The following ITPK1 variants were observed in gnomAD, a reference collection of about 807,000 sequenced individuals.
ITPK1 encodes the protein inositol 1,3,4-trisphosphate 5/6-kinase.
Under a neutral mutation model 45.3 loss-of-function variants are expected in ITPK1, and 21 were observed. The observed-to-expected ratio is 0.46, with a 90% CI of 0.33 to 0.67. The LOEUF is 0.67. Among genes scored for constraint, ITPK1 ranks in the 30% least tolerant of loss-of-function variants. The pLI is 0.02. For missense variants in ITPK1, 474 were observed against 573.5 expected, an observed-to-expected ratio of 0.83 and a Z score of 1.77; for synonymous variants, 258 against 253.6, an observed-to-expected ratio of 1.02 and a Z score of -0.16.
At position 92,941,863 on chromosome 14, in the gene ITPK1, G is replaced by C; in HGVS notation, c.943C>G (p.His315Asp). 1 of 1,612,686 alleles carries C rather than the reference G, an allele frequency of 6.2e-7. No individual in the cohort carries two copies. Among genetic ancestry groups the C allele is most frequent in the Non-Finnish European group, 8.5e-7 (1 of 1,179,952 alleles). The part of the protein sequence containing the change: ...VSEFFTDLLN[H>D]IATVLQGQST... ...TGGCCCTGCAGGACAGTGGCGATGT[G>C]GTTCAGGAGGTCTGTGAAGAACTCG... The change falls in exon 11 of 11, where the codon CAC (histidine) becomes GAC (aspartate). Residue 315 changes from histidine to aspartate, a missense_variant. By Grantham distance (81) the His-to-Asp change is moderately conservative (BLOSUM62 -1). This residue lies in a region of ITPK1 where 367 missense variants were observed against 480.6 expected (regional missense o/e 0.76). Coordinates refer to ENST00000267615, the MANE Select transcript of ITPK1 (RefSeq NM_014216.6).
chr14:92,985,081 G>T (rs1374719133), intron 5 of ITPK1, among the ~76,000 whole-genome samples: 1 of 152,132 alleles, frequency 6.6e-6, no homozygotes. Flanking sequence ...CTGCTGGGTG[G>T]TGTTCCTGCT....
At chr14:92,979,708 G>A (rs2139779184) in intron 5 of ITPK1, among the ~76,000 whole-genome samples, 1 of 152,144 alleles carries the variant, frequency 6.6e-6, no homozygotes, top group South Asian at 2.1e-4. Flanking sequence ...TAAGTTTCCT[G>A]AGGCCTCCCT....
chr14:93,073,566 G>A (rs1471983140), intron 3 of ITPK1, among the ~76,000 whole-genome samples: 2 of 152,194 alleles, frequency 1.3e-5, no homozygotes, highest in African/African-American at 4.8e-5. Flanking sequence ...ATGACCAACC[G>A]ACCTCCGGTC....
intron 4 of ITPK1, among the ~76,000 whole-genome samples, chr14:92,999,159 G>A (rs1362533616): frequency 2.0e-5 from 3 of 152,238 alleles, no homozygotes; most frequent in South Asian, 2.1e-4. Context: ...GAGCCTGTGC[G>A]TGACCCGCCT....
At chr14:92,952,114 A>C in intron 8 of ITPK1, 101 bp from the exon 9 acceptor site, 2 of 928,806 alleles carry the variant, frequency 2.2e-6, no homozygotes, top group Non-Finnish European at 3.4e-6. Context: ...GGCACACAAC[A>C]CGTGGCCCCC....
chr14:93,101,377 A>G (rs1362585796), intron 2 of ITPK1, among the ~76,000 whole-genome samples: 1 of 152,230 alleles, frequency 6.6e-6, no homozygotes, highest in Non-Finnish European at 1.5e-5. Context: ...ACCACCTGAC[A>G]CAGGTGAGTA....
At chr14:93,093,565 T>C (rs747833841) in intron 2 of ITPK1, among the ~76,000 whole-genome samples, 3 of 152,166 alleles carry the variant, frequency 2.0e-5, no homozygotes, top group East Asian at 1.9e-4. Flanking sequence ...AACATGAATG[T>C]GCCGTGTGTA....
rs150435643 is a variant in ITPK1 at position 92,941,109 on chromosome 14, T to A, written c.*452A>T. 2,151 of 1,199,498 alleles carry A rather than the reference T, an allele frequency of 1.8e-3. 31 individuals are homozygous for A. In the African/African-American group the frequency reaches 0.031, roughly 17 times the overall value. 74.3% of individuals were successfully genotyped at this position (1,199,498 alleles called of 1,614,324 possible). On this transcript the variant is annotated 3_prime_UTR_variant, in exon 11 of 11. Coordinates refer to ENST00000267615, the MANE Select transcript of ITPK1 (RefSeq NM_014216.6). ...AAGGGGCAGGTCAGGGAGTGGGGAGTCAGGCAGAAGGGAAGCCACTCTCAC... is the reference window on the plus strand; with the variant it reads ...AAGGGGCAGGTCAGGGAGTGGGGAGACAGGCAGAAGGGAAGCCACTCTCAC...
At chr14:92,942,121 C>T (rs1887460273) in intron 10 of ITPK1, among the ~76,000 whole-genome samples, 1 of 152,198 alleles carries the variant, frequency 6.6e-6, no homozygotes, top group Non-Finnish European at 1.5e-5. Context: ...CCTCGACCTT[C>T]AGCTGTTGCC....
At position 93,040,246 on chromosome 14, in the gene ITPK1, T is replaced by A. The variant is rs542226985; in HGVS notation, c.121-23445A>T. 3.3e-5 allele frequency among the ~76,000 whole-genome samples: 5 copies of A among 152,324 alleles called. No homozygotes were observed. The South Asian group carries it at 1.0e-3, about 32-fold the overall frequency. ...AAACTGAGGACTCAGAGGGTCTGTG[T>A]CAGGGTGGACAATGGGGAGCCTGGG... On this transcript the variant is annotated intron_variant, in intron 3 of 10. Coordinates refer to ENST00000267615, the MANE Select transcript of ITPK1 (RefSeq NM_014216.6).
rs1887998968 is a variant in ITPK1, at chr14:93,013,127, G to A, written c.246+3549C>T. Among the ~76,000 whole-genome samples the A allele has an allele frequency of 2.0e-5, 3 of 152,328 alleles. No individual in the cohort carries two copies. In the South Asian group the frequency reaches 6.2e-4, roughly 32 times the overall value. On this transcript the variant is annotated intron_variant, in intron 4 of 10. Coordinates refer to ENST00000267615, the MANE Select transcript of ITPK1 (RefSeq NM_014216.6). ...TTGCCCACGTGGGCAGGCCCTGGGG[G>A]CCCCTGCCTGGTTCTGCACACTGAG...
At chr14:92,971,051 G>A (rs1019958694) in intron 5 of ITPK1, among the ~76,000 whole-genome samples, 4 of 152,164 alleles carry the variant, frequency 2.6e-5, no homozygotes, top group Middle Eastern at 6.8e-3. Flanking sequence ...ACCAACCCAT[G>A]GCCTGGAAGA....
chr14:92,952,566 G>C (rs775876383), intron 8 of ITPK1, among the ~76,000 whole-genome samples: 1 of 152,186 alleles, frequency 6.6e-6, no homozygotes, highest in South Asian at 2.1e-4. Flanking sequence ...AGAGAATGTA[G>C]GCTTCCACAG....
intron 2 of ITPK1, among the ~76,000 whole-genome samples, chr14:93,096,939 T>C (rs1022865191): frequency 5.9e-5 from 9 of 152,166 alleles, no homozygotes; most frequent in African/African-American, 2.2e-4. Context: ...CTTCCCTCTG[T>C]AAGCAAAAGC....
chr14:93,003,477 T>C (rs181022717), intron 4 of ITPK1, among the ~76,000 whole-genome samples: 31 of 152,306 alleles, frequency 2.0e-4, no homozygotes, highest in Non-Finnish European at 3.1e-4. Context: ...AAATCCACAC[T>C]AGGCCTAGGT....
intron 3 of ITPK1, chr14:93,070,831 T>A (rs1390886667): frequency 2.6e-5 from 4 of 153,802 alleles, no homozygotes; most frequent in Non-Finnish European, 4.4e-5. Context: ...AACTGCTGCA[T>A]GTTACTGCGT....
chr14:93,098,050 G>A (rs1892153047), intron 2 of ITPK1, among the ~76,000 whole-genome samples: 2 of 152,054 alleles, frequency 1.3e-5, no homozygotes, highest in African/African-American at 4.8e-5. Context: ...TGGGCCAGGT[G>A]GCTCATGCAT....
At chr14:93,009,352 G>A (rs1321128433) in intron 4 of ITPK1, among the ~76,000 whole-genome samples, 2 of 152,190 alleles carry the variant, frequency 1.3e-5, no homozygotes, top group African/African-American at 2.4e-5. Flanking sequence ...ACAAGCAGAG[G>A]GGCTGCAGCC....
chr14:92,946,635 C>A (rs1039153648), intron 9 of ITPK1, 142 bp from the exon 10 acceptor site: 8 of 830,530 alleles, frequency 9.6e-6, no homozygotes, highest in Non-Finnish European at 1.5e-5. Flanking sequence ...GTGGTGAGCA[C>A]GGGGCGGCCA....
Sources: gnomAD v4.1 joint callset for allele counts (sites outside exome capture counted in the v4.1 genomes callset) on GRCh38, gnomAD v4.1.1 for gene constraint, gnomAD v4.1.1 regional missense constraint, MANE v1.5 for transcripts, NCBI Gene and HGNC (gene_info 2026-07-23, HGNC 2026-07-21) for gene names.